ATF6: variants seen among roughly 807,000 people sequenced by gnomAD.
ATF6 encodes cyclic AMP-dependent transcription factor ATF-6 alpha.
In ATF6, 53 loss-of-function variants were observed where a neutral mutation model predicts 83.6. That is an observed-to-expected ratio of 0.63 (90% CI 0.51 to 0.80). ATF6 has a LOEUF of 0.80. Among genes scored for constraint, ATF6 ranks in the 30% least tolerant of loss-of-function variants. The pLI, the probability that ATF6 is intolerant of heterozygous loss-of-function variation, is 0.00. For missense variants in ATF6, 744 were observed against 797.9 expected, an observed-to-expected ratio of 0.93 and a Z score of 0.81; for synonymous variants, 288 against 285.8, an observed-to-expected ratio of 1.01 and a Z score of -0.08.
At chr1:161,766,981 A>G (rs562820338) in intron 1 of ATF6, among the ~76,000 whole-genome samples, 115 of 152,248 alleles carry the variant, frequency 7.6e-4, no homozygotes, top group African/African-American at 2.8e-3. Flanking sequence ...TACACCTAAT[A>G]CTTATGGTGT....
chr1:161,892,164 A>G (rs1687570481), intron 14 of ATF6: 1 of 152,132 alleles, frequency 6.6e-6, no homozygotes, highest in Non-Finnish European at 1.5e-5. Flanking sequence ...AGTTTAACAG[A>G]TTGAAATAAA....
intron 14 of ATF6, among the ~76,000 whole-genome samples, chr1:161,894,954 T>C (rs1239694112): frequency 7.2e-5 from 11 of 151,944 alleles, no homozygotes; most frequent in Admixed American, 7.2e-4. Context: ...ATTTTTAATT[T>C]CAGGCCAGAT....
chr1:161,871,249 AAT>A (rs1687117424), intron 14 of ATF6, among the ~76,000 whole-genome samples: 1 of 151,760 alleles, frequency 6.6e-6, no homozygotes, highest in Admixed American at 6.6e-5. Context: ...AATTTTTAAG[AAT>A]ATATAGTCAG....
chr1:161,938,190 A>G (rs1188625444), intron 15 of ATF6, among the ~76,000 whole-genome samples: 2 of 152,080 alleles, frequency 1.3e-5, no homozygotes, highest in East Asian at 3.9e-4. Flanking sequence ...TCTTCATCCC[A>G]TGCACTATGA....
At position 161,778,226 on chromosome 1, in the gene ATF6, C is replaced by A; in HGVS notation, c.83-18C>A. ...ATTGAATTGACAGTTCATTTCTATT[C>A]TTTTCCTTTGTCCAAAGATTCTGCT... On this transcript the variant is annotated intron_variant, in intron 1 of 15. Coordinates refer to ENST00000367942, the MANE Select transcript of ATF6 (RefSeq NM_007348.4). 5 of 1,605,780 alleles carry A rather than the reference C, an allele frequency of 3.1e-6. No individual in the cohort carries two copies. Among genetic ancestry groups the A allele is most frequent in the Non-Finnish European group, 4.3e-6 (5 of 1,173,598 alleles).
At chr1:161,864,711 A>G (rs540184567) in intron 14 of ATF6, among the ~76,000 whole-genome samples, 38 of 152,322 alleles carry the variant, frequency 2.5e-4, no homozygotes, top group South Asian at 2.3e-3. Context: ...ACCTTACTCT[A>G]TCAGACATAA....
chr1:161,904,995 A>G (rs1015046448), intron 14 of ATF6, among the ~76,000 whole-genome samples: 2 of 152,222 alleles, frequency 1.3e-5, no homozygotes, highest in Non-Finnish European at 2.9e-5. Context: ...GGGGCATTTT[A>G]TAGTCCTCCA....
At chr1:161,797,026 T>G (rs1299440665) in intron 6 of ATF6, among the ~76,000 whole-genome samples, 2 of 152,194 alleles carry the variant, frequency 1.3e-5, no homozygotes, top group East Asian at 3.8e-4. Context: ...TGCTATTTAC[T>G]TTATGTGTTT....
intron 4 of ATF6, among the ~76,000 whole-genome samples, chr1:161,790,154 T>C (rs1486947044): frequency 6.6e-6 from 1 of 152,226 alleles, no homozygotes; most frequent in Non-Finnish European, 1.5e-5. Context: ...TATGGTCTAG[T>C]TTTTATTGTT....
intron 7 of ATF6, among the ~76,000 whole-genome samples, chr1:161,813,026 A>T (rs1685513612): frequency 6.6e-6 from 1 of 152,044 alleles, no homozygotes; most frequent in Non-Finnish European, 1.5e-5. Flanking sequence ...TTTACTTTCA[A>T]GGTAGTCCTG....
At chr1:161,769,035 A>C (rs184065851) in intron 1 of ATF6, among the ~76,000 whole-genome samples, 1 of 152,312 alleles carries the variant, frequency 6.6e-6, no homozygotes, top group East Asian at 1.9e-4. Flanking sequence ...TAGGTAATGA[A>C]ATTTAGAGCA....
At chr1:161,799,638 G>A (rs969047592) in intron 6 of ATF6, among the ~76,000 whole-genome samples, 1 of 152,178 alleles carries the variant, frequency 6.6e-6, no homozygotes, top group African/African-American at 2.4e-5. Context: ...AGGTAAAAAT[G>A]TTTAATGATC....
chr1:161,857,575 A>T (rs1440562701), intron 12 of ATF6, among the ~76,000 whole-genome samples: 1 of 152,220 alleles, frequency 6.6e-6, no homozygotes, highest in Non-Finnish European at 1.5e-5. Context: ...GATATTTTTT[A>T]AAAGACTTGG....
chr1:161,915,567 C>A (rs539322437), intron 15 of ATF6, among the ~76,000 whole-genome samples: 5 of 152,052 alleles, frequency 3.3e-5, no homozygotes, highest in African/African-American at 1.2e-4. Context: ...TTATACCATT[C>A]GTCTTTTATA....
intron 14 of ATF6, among the ~76,000 whole-genome samples, chr1:161,887,329 C>T (rs564884707): frequency 5.9e-5 from 9 of 152,096 alleles, no homozygotes; most frequent in Non-Finnish European, 1.2e-4. Context: ...ATCCGCCTGC[C>T]TTGGCCTCCT....
intron 9 of ATF6, among the ~76,000 whole-genome samples, chr1:161,845,800 A>G (rs1382822059): frequency 6.6e-6 from 1 of 150,660 alleles, no homozygotes; most frequent in Non-Finnish European, 1.5e-5. Context: ...AAAAAAGTTA[A>G]GTAGGCAGTA....
At chr1:161,852,579 A>G (rs1686657393) in intron 11 of ATF6, among the ~76,000 whole-genome samples, 1 of 152,088 alleles carries the variant, frequency 6.6e-6, no homozygotes, top group Admixed American at 6.6e-5. Context: ...TAGCCCAAGA[A>G]CAGAAATAGG....
At chr1:161,831,599 G>A (rs1686062130) in intron 9 of ATF6, among the ~76,000 whole-genome samples, 1 of 152,090 alleles carries the variant, frequency 6.6e-6, no homozygotes, top group Admixed American at 6.5e-5. Context: ...TATACACCAT[G>A]GAATACTATG....
chr1:161,893,568 A>T (rs1687604829), intron 14 of ATF6, among the ~76,000 whole-genome samples: 1 of 152,250 alleles, frequency 6.6e-6, no homozygotes, highest in Non-Finnish European at 1.5e-5. Context: ...ATCTGTGCTT[A>T]AAAAGCAACA....
Sources: gnomAD v4.1 joint callset for allele counts (sites outside exome capture counted in the v4.1 genomes callset) on GRCh38, gnomAD v4.1.1 for gene constraint, MANE v1.5 for transcripts, NCBI Gene and HGNC (gene_info 2026-07-23, HGNC 2026-07-21) for gene names.